Variants in SH3GL1 observed in about 807,000 individuals in gnomAD.
SH3GL1 encodes the protein endophilin-A2.
SH3GL1 carries 21 observed loss-of-function variants against 48.8 expected under a neutral mutation model. The observed-to-expected ratio is 0.43, with a 90% CI of 0.30 to 0.62. SH3GL1 has a LOEUF of 0.62. Ranked by LOEUF, SH3GL1 falls within the 20% of genes least tolerant of loss-of-function variation. The pLI is 0.11. For missense variants in SH3GL1, 454 were observed against 503.0 expected (o/e 0.90, Z 0.93); for synonymous variants, 282 against 217.5 (o/e 1.30, Z -2.61).
At position 4,376,377 on chromosome 19, in the gene SH3GL1, T is replaced by C. The variant is rs540667099; in HGVS notation, c.46-9383A>G. ...ACAGCTCTGCCCACCGTGCATTCTG[T>C]AGAGAACCTCAGCGCCCTCCTCCCT... On this transcript the variant is annotated intron_variant, in intron 1 of 9. Coordinates refer to ENST00000269886, the MANE Select transcript of SH3GL1 (RefSeq NM_003025.4). The surrounding 1 kb of genome is among the most constrained non-coding windows in gnomAD (Gnocchi z 4.3). 3.3e-4 allele frequency among the ~76,000 whole-genome samples: 50 copies of C among 152,266 alleles called. No homozygotes were observed. Among genetic ancestry groups the C allele is most frequent in the African/African-American group, 1.2e-3 (50 of 41,562 alleles).
chr19:4,370,787 G>C (rs1972884120), intron 1 of SH3GL1, among the ~76,000 whole-genome samples: 1 of 152,258 alleles, frequency 6.6e-6, no homozygotes, highest in African/African-American at 2.4e-5. Flanking sequence ...AACCCTGCCA[G>C]GCGAGGACCA....
chr19:4,389,189 C>T lies in SH3GL1; in HGVS notation c.45+11135G>A, dbSNP rs889858046. Among the ~76,000 whole-genome samples, 1 of 152,168 alleles carries T rather than the reference C, an allele frequency of 6.6e-6. No homozygotes were observed. Among genetic ancestry groups the T allele is most frequent in the African/African-American group, 2.4e-5 (1 of 41,438 alleles). On this transcript the variant is annotated intron_variant, in intron 1 of 9. Transcript: ENST00000269886. The surrounding 1 kb of genome is among the most constrained non-coding windows in gnomAD (Gnocchi z 4.5). ...CAGGCCAGTGCCCAGCAGAACATGGCCCATCACACATGCCCGAGCACAGCC... is the reference window on the plus strand; with the variant it reads ...CAGGCCAGTGCCCAGCAGAACATGGTCCATCACACATGCCCGAGCACAGCC...
intron 1 of SH3GL1, among the ~76,000 whole-genome samples, chr19:4,387,817 G>A (rs1437182276): frequency 6.6e-6 from 1 of 152,162 alleles, no homozygotes; most frequent in African/African-American, 2.4e-5. Context: ...CCGAGTAGCG[G>A]GGATTACAGA....
chr19:4,377,785 G>A (rs999323176), intron 1 of SH3GL1, among the ~76,000 whole-genome samples: 2 of 152,198 alleles, frequency 1.3e-5, no homozygotes, highest in African/African-American at 2.4e-5. Context: ...ACCCGGGCTG[G>A]GAATCTCAGA....
chr19:4,378,485 C>T (rs1056311298), intron 1 of SH3GL1, among the ~76,000 whole-genome samples: 2 of 152,080 alleles, frequency 1.3e-5, no homozygotes, highest in African/African-American at 2.4e-5. Context: ...GAAACCGAGA[C>T]GGGCAGATCA....
intron 4 of SH3GL1, 32 bp from the exon 5 acceptor site, chr19:4,364,253 C>A (rs1301808185): frequency 1.2e-6 from 2 of 1,613,444 alleles, no homozygotes; most frequent in Non-Finnish European, 8.5e-7. Flanking sequence ...AGCCATCATA[C>A]CGGGCCTGGG....
Position 4,361,494 on chromosome 19 carries a change from C to T in SH3GL1, c.*106G>A. On this transcript the variant is annotated 3_prime_UTR_variant, in exon 10 of 10. Coordinates refer to ENST00000269886, the MANE Select transcript of SH3GL1 (RefSeq NM_003025.4). ...AGGGCCGGGGCCCAGGTGGCGCCGG[C>T]AGGCTCAGACACCGCCCTGGCAGCA... 1.2e-6 allele frequency: 1 copy of T among 867,588 alleles called. No individual in the cohort carries two copies. Among genetic ancestry groups the T allele is most frequent in the Non-Finnish European group, 1.8e-6 (1 of 563,988 alleles). 53.7% of individuals were successfully genotyped at this position (867,588 alleles called of 1,614,324 possible).
At chr19:4,386,536 C>T (rs1390126766) in intron 1 of SH3GL1, among the ~76,000 whole-genome samples, 3 of 133,132 alleles carry the variant, frequency 2.3e-5, no homozygotes, top group African/African-American at 8.7e-5. Context: ...CAGGGTCTTG[C>T]TATACTGCCC....
chr19:4,399,499 T>C (rs1177291647), intron 1 of SH3GL1, among the ~76,000 whole-genome samples: 2 of 151,750 alleles, frequency 1.3e-5, no homozygotes, highest in Non-Finnish European at 2.9e-5. Context: ...GAAGGAGGAC[T>C]GATTCTAAGG....
chr19:4,378,517 C>T (rs1973057593), intron 1 of SH3GL1, among the ~76,000 whole-genome samples: 2 of 151,988 alleles, frequency 1.3e-5, no homozygotes, highest in African/African-American at 4.8e-5. Flanking sequence ...GAGTTTGAGA[C>T]CAGCCTGACC....
rs1422280121 is a variant in SH3GL1 at position 4,363,755 on chromosome 19, C to T, written c.589G>A (p.Ala197Thr). ...LEKFEESKEVAETSMHNLLET... is the reference protein window; with the variant it reads ...LEKFEESKEVTETSMHNLLET... ...AGGAGGTTGTGCATGCTGGTTTCTG[C>T]CACCTCCTTGGACTCCTCGAACTTC... Residue 197 changes from alanine (A) to threonine (T), a missense_variant, in exon 6 of 10, where the codon GCA becomes ACA. This residue lies in a region of SH3GL1 where 278 missense variants were observed against 246.8 expected (regional missense o/e 1.13). Transcript: ENST00000269886. 1.2e-6 allele frequency: 2 copies of T among 1,613,758 alleles called. No homozygotes were observed. The highest frequency in any genetic ancestry group is 1.7e-6 in the Non-Finnish European group (2 of 1,180,030).
chr19:4,384,262 C>T lies in SH3GL1; in HGVS notation c.45+16062G>A, dbSNP rs146271462. Among the ~76,000 whole-genome samples, 232 of 152,332 alleles carry T rather than the reference C, an allele frequency of 1.5e-3. 2 individuals carry two copies. The highest frequency in any genetic ancestry group is 5.1e-3 in the African/African-American group (210 of 41,568). On this transcript the variant is annotated intron_variant, in intron 1 of 9. Transcript: ENST00000269886. ...AGGAGCCCCCCAGTTCATCCCGCTCCGGACCACACAGAGCTAACCCTGAGC... is the reference window on the plus strand; with the variant it reads ...AGGAGCCCCCCAGTTCATCCCGCTCTGGACCACACAGAGCTAACCCTGAGC...
chr19:4,362,730 C>T lies in SH3GL1; in HGVS notation c.735G>A (p.Arg245=). 2 of 1,613,950 alleles carry T rather than the reference C, an allele frequency of 1.2e-6. No individual in the cohort carries two copies. Among genetic ancestry groups the T allele is most frequent in the Non-Finnish European group, 1.7e-6 (2 of 1,180,004 alleles). The change falls in exon 8 of 10, where the codon CGG becomes CGA. Residue 245 remains arginine, a synonymous_variant. Transcript: ENST00000269886. ...CCCGCTTAGGGCGTGAGGAAGCTTC[C>T]CGCATCCTGTGAAGGGAGAGGCGTG... The part of the protein sequence containing the change: ...ELAEKLKRRM[R]EASSRPKREY...
chr19:4,390,594 T>C (rs967109278), intron 1 of SH3GL1: 10 of 152,498 alleles, frequency 6.6e-5, no homozygotes, highest in African/African-American at 2.4e-4. Flanking sequence ...CACCACATTC[T>C]TTCATCCGCT....
At chr19:4,361,891 G>A (rs1184066584) in intron 9 of SH3GL1, 95 bp from the exon 10 acceptor site, 7 of 910,260 alleles carry the variant, frequency 7.7e-6, no homozygotes, top group Non-Finnish European at 1.2e-5. Context: ...GCGTGTGGGT[G>A]GGCATGGGCC....
rs1470923022 is a variant in SH3GL1, at chr19:4,367,856, A to T, written c.46-862T>A. ...TTGCTTTCTTCACCCCACGTATCCCATGTGTGCCTGGCGCCAAGGGATGCC... is the reference window on the plus strand; with the variant it reads ...TTGCTTTCTTCACCCCACGTATCCCTTGTGTGCCTGGCGCCAAGGGATGCC... On this transcript the variant is annotated intron_variant, in intron 1 of 9. Coordinates refer to ENST00000269886, the MANE Select transcript of SH3GL1 (RefSeq NM_003025.4). The surrounding 1 kb of genome is among the most constrained non-coding windows in gnomAD (Gnocchi z 4.2). 1.3e-5 allele frequency among the ~76,000 whole-genome samples: 2 copies of T among 152,122 alleles called. No homozygotes were observed. Among genetic ancestry groups the T allele is most frequent in the East Asian group, 3.9e-4 (2 of 5,188 alleles).
rs1297150088 is a variant in SH3GL1, at chr19:4,362,682, C to T, written c.783G>A (p.Glu261=). The T allele has an allele frequency of 1.9e-6, 3 of 1,613,918 alleles. No individual in the cohort carries two copies. Among genetic ancestry groups the T allele is most frequent in the Non-Finnish European group, 2.5e-6 (3 of 1,179,978 alleles). The change falls in exon 8 of 10, where the codon GAG becomes GAA. Residue 261 remains glutamate (E), a synonymous_variant. Transcript: ENST00000269886. Reference sequence around the variant, plus strand: ...GCTCAGGCTCTCCAAGGTCAAAGGGCTCCCGGGGCTTGGGCTTATACTCCC... The same window carrying T: ...GCTCAGGCTCTCCAAGGTCAAAGGGTTCCCGGGGCTTGGGCTTATACTCCC... ...PKREYKPKPR[E]PFDLGEPEQS...
rs1261314104 is a variant in SH3GL1, at chr19:4,400,028, C to T, written c.45+296G>A. ...CTCCTCTCTTCCCCTTCTCTCCCCG[C>T]ACCCCGCCTTTGCAGCGGAGAGAAG... On this transcript the variant is annotated intron_variant, in intron 1 of 9. Transcript: ENST00000269886. This position sits in a 1 kb window ranked among gnomAD's most constrained non-coding sequence, Gnocchi z 4.1. 6.6e-6 allele frequency among the ~76,000 whole-genome samples: 1 copy of T among 152,180 alleles called. No individual in the cohort carries two copies. Among genetic ancestry groups the T allele is most frequent in the East Asian group, 1.9e-4 (1 of 5,162 alleles).
rs770659974 is a variant in SH3GL1, at chr19:4,361,316, C to T, written c.*284G>A. On this transcript the variant is annotated 3_prime_UTR_variant, in exon 10 of 10. Transcript: ENST00000269886. ...TGTTGCCCCGCCTCGGCCAGCTGGG[C>T]GAGAAGTTGGGGAGCGGGGGAGGAG... 4.4e-5 allele frequency: 22 copies of T among 500,766 alleles called. No individual in the cohort carries two copies. Among genetic ancestry groups the T allele is most frequent in the South Asian group, 2.8e-4 (11 of 38,932 alleles). 31.0% of individuals were successfully genotyped at this position (500,766 alleles called of 1,614,324 possible).
Sources: allele counts gnomAD v4.1 joint callset (sites outside exome capture counted in the v4.1 genomes callset), GRCh38; gene constraint gnomAD v4.1.1; regional missense constraint gnomAD v4.1.1; non-coding constraint Gnocchi (gnomAD v3.1); transcripts MANE v1.5; gene names NCBI Gene and HGNC (gene_info 2026-07-23, HGNC 2026-07-21).